Variants in HDAC9 observed in about 807,000 individuals in gnomAD.
HDAC9 encodes the protein MEF-2 interacting transcription repressor (MITR) protein.
Under a neutral mutation model 139.4 loss-of-function variants are expected in HDAC9, and 41 were observed. The ratio of observed to expected loss-of-function variants is 0.29; its 90% confidence interval spans 0.23 to 0.38. The LOEUF (loss-of-function observed/expected upper bound fraction) is 0.38. HDAC9 is among the 10% of genes least tolerant of loss of function. The pLI is 1.00. For synonymous variants in HDAC9, 517 were observed against 476.2 expected, an observed-to-expected ratio of 1.09 and a Z score of -1.12; for missense variants, 1,147 against 1,297.0, an observed-to-expected ratio of 0.88 and a Z score of 1.78.
At chr7:18,627,520 A>C (rs966150986) in intron 6 of HDAC9, among the ~76,000 whole-genome samples, 1 of 152,230 alleles carries the variant, frequency 6.6e-6, no homozygotes, top group African/African-American at 2.4e-5. Flanking sequence ...TGTGTACATG[A>C]AAACATATCT....
chr7:18,764,200 A>T (rs182104374), intron 15 of HDAC9, among the ~76,000 whole-genome samples: 25 of 152,312 alleles, frequency 1.6e-4, no homozygotes, highest in African/African-American at 6.0e-4. Flanking sequence ...GAAAGCAGCA[A>T]GTACCTATGA....
intron 1 of HDAC9, among the ~76,000 whole-genome samples, chr7:18,392,375 C>G (rs1287702024): frequency 1.4e-5 from 2 of 146,680 alleles, no homozygotes; most frequent in Admixed American, 6.8e-5. Context: ...ATCTCTGTCT[C>G]TCTAGATAGA....
chr7:18,695,308 C>G (rs1292331523), intron 12 of HDAC9, among the ~76,000 whole-genome samples: 2 of 152,088 alleles, frequency 1.3e-5, no homozygotes, highest in African/African-American at 4.8e-5. Flanking sequence ...CGAGATAATG[C>G]TCAAGGAGGG....
intron 21 of HDAC9, among the ~76,000 whole-genome samples, chr7:18,836,876 A>C (rs1796274086): frequency 6.6e-6 from 1 of 152,068 alleles, no homozygotes; most frequent in African/African-American, 2.4e-5. Context: ...AAAGCAAAAC[A>C]ACCACATGAA....
intron 16 of HDAC9, among the ~76,000 whole-genome samples, chr7:18,777,078 A>G (rs1790833667): frequency 6.6e-6 from 1 of 151,636 alleles, no homozygotes; most frequent in Non-Finnish European, 1.5e-5. Flanking sequence ...GGAGGTATAG[A>G]GAAGGTTGGG....
chr7:18,114,328 G>A (rs1783824048), intron 1 of HDAC9, among the ~76,000 whole-genome samples: 1 of 152,184 alleles, frequency 6.6e-6, no homozygotes, highest in African/African-American at 2.4e-5. Flanking sequence ...ATAGAGTTTG[G>A]GAATGTGAAT....
At chr7:18,189,411 A>G (rs1025245752) in intron 2 of HDAC9, among the ~76,000 whole-genome samples, 5 of 152,138 alleles carry the variant, frequency 3.3e-5, no homozygotes, top group African/African-American at 1.2e-4. Context: ...CATGGCACAT[A>G]TATACCTATG....
intron 1 of HDAC9, among the ~76,000 whole-genome samples, chr7:18,467,113 G>GTTTGGATGTT (rs1794345087): frequency 6.6e-6 from 1 of 152,186 alleles, no homozygotes; most frequent in Non-Finnish European, 1.5e-5. Flanking sequence ...ATGTTTCACA[G>GTTTGGATGTT]TCAAATAAAC....
intron 1 of HDAC9, among the ~76,000 whole-genome samples, chr7:18,426,025 C>T (rs1303169872): frequency 3.9e-5 from 6 of 152,192 alleles, no homozygotes; most frequent in East Asian, 1.9e-4. Flanking sequence ...ATAGACTCTT[C>T]ATAACATTAG....
At chr7:18,719,322 T>C (rs997309121) in intron 12 of HDAC9, among the ~76,000 whole-genome samples, 1 of 147,526 alleles carries the variant, frequency 6.8e-6, no homozygotes, top group Non-Finnish European at 1.5e-5. Flanking sequence ...AACCTATTTT[T>C]TTCTCTTCCT....
intron 1 of HDAC9, among the ~76,000 whole-genome samples, chr7:18,448,212 A>T (rs1792475453): frequency 6.6e-6 from 1 of 152,156 alleles, no homozygotes; most frequent in Admixed American, 6.5e-5. Context: ...GATTGTTATA[A>T]ATTATTCCAT....
At chr7:18,436,195 T>G (rs982411140) in intron 1 of HDAC9, among the ~76,000 whole-genome samples, 1 of 152,120 alleles carries the variant, frequency 6.6e-6, no homozygotes, top group Non-Finnish European at 1.5e-5. Flanking sequence ...TGAAGTAGTT[T>G]TACAAAAATT....
At chr7:18,562,893 T>G (rs1184152311) in intron 2 of HDAC9, among the ~76,000 whole-genome samples, 1 of 152,150 alleles carries the variant, frequency 6.6e-6, no homozygotes, top group Non-Finnish European at 1.5e-5. Flanking sequence ...GAAATGTTTT[T>G]CATTCGTTTA....
rs550128577 is a variant in HDAC9, at chr7:18,591,499, G to C, written c.416-17G>C. On this transcript the variant is annotated splice_polypyrimidine_tract_variant and intron_variant, in intron 4 of 25. Coordinates refer to ENST00000686413, the MANE Select transcript of HDAC9 (RefSeq NM_178425.4). Reference sequence around the variant, plus strand: ...TATGTGTGTGTGTGTGTGTGTGTGTGTGTGTGTGTATTTCAGGGGCAGTGG... The same window carrying C: ...TATGTGTGTGTGTGTGTGTGTGTGTCTGTGTGTGTATTTCAGGGGCAGTGG... 2.6e-6 allele frequency: 4 copies of C among 1,558,064 alleles called. No homozygotes were observed.
intron 22 of HDAC9, among the ~76,000 whole-genome samples, chr7:18,885,512 C>T (rs575393999): frequency 6.6e-6 from 1 of 152,214 alleles, no homozygotes; most frequent in East Asian, 1.9e-4. Context: ...CAAAATTTTA[C>T]AACCGTTTAT....
At chr7:18,483,686 A>G (rs1255086967) in intron 1 of HDAC9, among the ~76,000 whole-genome samples, 4 of 152,224 alleles carry the variant, frequency 2.6e-5, no homozygotes, top group African/African-American at 9.6e-5. Context: ...AAATAAAGTC[A>G]TTTAAAATTT....
intron 1 of HDAC9, among the ~76,000 whole-genome samples, chr7:18,349,980 C>T (rs1782729920): frequency 6.6e-6 from 1 of 151,994 alleles, no homozygotes; most frequent in African/African-American, 2.4e-5. Flanking sequence ...TCGTTTGTGC[C>T]AGTTCTGGCC....
chr7:18,264,989 C>A (rs558490942), intron 2 of HDAC9, among the ~76,000 whole-genome samples: 32 of 152,130 alleles, frequency 2.1e-4, no homozygotes, highest in African/African-American at 7.5e-4. Flanking sequence ...TTTAGTTACT[C>A]TAGGAATAGC....
At position 18,331,962 on chromosome 7, in the gene HDAC9, A is replaced by G. The variant is rs185151541; in HGVS notation, c.-42+41447A>G. 1.0e-3 allele frequency among the ~76,000 whole-genome samples: 154 copies of G among 151,754 alleles called. 1 individual carries two copies. The highest frequency in any genetic ancestry group is 3.6e-3 in the African/African-American group (150 of 41,498). On this transcript the variant is annotated intron_variant, in intron 1 of 3. Transcript: ENST00000413509. ...TTAGGAAAAGGAGGCCTAGAGAAGTATTGAGTTAGATGCTCAGGTTCCAGA... is the reference window on the plus strand; with the variant it reads ...TTAGGAAAAGGAGGCCTAGAGAAGTGTTGAGTTAGATGCTCAGGTTCCAGA...
Sources: allele counts gnomAD v4.1 joint callset (sites outside exome capture counted in the v4.1 genomes callset), GRCh38; gene constraint gnomAD v4.1.1; transcripts MANE v1.5; gene names NCBI Gene and HGNC (gene_info 2026-07-23, HGNC 2026-07-21).